Variants in KCNJ6 observed in about 807,000 individuals in gnomAD.
KCNJ6 encodes the protein G protein-activated inward rectifier potassium channel 2.
In KCNJ6, 9 loss-of-function variants were observed where a neutral mutation model predicts 34.2. That is an observed-to-expected ratio of 0.26 (90% CI 0.16 to 0.46). The LOEUF (loss-of-function observed/expected upper bound fraction) is 0.46, where lower values mean the gene tolerates loss of function less well. KCNJ6 is among the 20% of genes least tolerant of loss of function. The pLI is 1.00. For missense variants in KCNJ6, 236 were observed against 531.3 expected, an observed-to-expected ratio of 0.44 and a Z score of 5.46; for synonymous variants, 196 against 207.1, an observed-to-expected ratio of 0.95 and a Z score of 0.46.
At chr21:37,655,025 G>C (rs1165680434) in intron 3 of KCNJ6, among the ~76,000 whole-genome samples, 5 of 152,174 alleles carry the variant, frequency 3.3e-5, no homozygotes, top group Non-Finnish European at 5.9e-5. Context: ...ATGTGAGAGA[G>C]AGGTGGACCG....
At position 37,610,847 on chromosome 21, in the gene KCNJ6, C is replaced by T. The variant is rs1214092265; in HGVS notation, c.*14312G>A. 6.6e-6 allele frequency: 1 copy of T among 151,736 alleles called. No homozygotes were observed. The highest frequency in any genetic ancestry group is 1.5e-5 in the Non-Finnish European group (1 of 67,936). 9.4% of individuals were successfully genotyped at this position (151,736 alleles called of 1,614,324 possible). On this transcript the variant is annotated 3_prime_UTR_variant, in exon 4 of 4. Transcript: ENST00000609713. ...TTTGTGGGATGCAATAAAAACAATG[C>T]TTAAAGGGAAATTTATAACATTGAA...
rs189844853 is a variant in KCNJ6, at chr21:37,802,435, G to T, written c.25+38223C>A. The stretch of plus-strand genomic sequence containing the variant: ...CCAGAGGGCCCAATATAATCACAAG[G>T]GTCCTTATAAGGGTAGGGCGGGAGG... On this transcript the variant is annotated intron_variant, in intron 2 of 3. Transcript: ENST00000609713. Among the ~76,000 whole-genome samples, 495 of 152,136 alleles carry T rather than the reference G, an allele frequency of 3.3e-3. 2 individuals are homozygous for T. Among genetic ancestry groups the T allele is most frequent in the Non-Finnish European group, 5.1e-3 (348 of 68,006 alleles).
intron 3 of KCNJ6, among the ~76,000 whole-genome samples, chr21:37,679,030 C>T (rs2054579355): frequency 6.6e-6 from 1 of 152,152 alleles, no homozygotes; most frequent in South Asian, 2.1e-4. Flanking sequence ...TTCTCTTTCT[C>T]TCTGGAATTG....
At chr21:37,874,434 A>T (rs936323010) in intron 1 of KCNJ6, among the ~76,000 whole-genome samples, 3 of 152,232 alleles carry the variant, frequency 2.0e-5, no homozygotes, top group African/African-American at 7.2e-5. Flanking sequence ...CTCATATAAC[A>T]GACTGACAGC....
chr21:37,632,155 G>T (rs2054336711), intron 3 of KCNJ6, among the ~76,000 whole-genome samples: 2 of 152,016 alleles, frequency 1.3e-5, no homozygotes, highest in Non-Finnish European at 2.9e-5. Flanking sequence ...GAGAGAACTG[G>T]AGAAGAGGAT....
chr21:37,908,386 G>T (rs572623405), intron 1 of KCNJ6, among the ~76,000 whole-genome samples: 1 of 152,270 alleles, frequency 6.6e-6, no homozygotes, highest in South Asian at 2.1e-4. Flanking sequence ...CTATTTTCAG[G>T]AAAACAATGA....
rs780453887 is a variant in KCNJ6, at chr21:37,617,220, C to CA, written c.*7938_*7939insT. On this transcript the variant is annotated 3_prime_UTR_variant, in exon 4 of 4. Coordinates refer to ENST00000609713, the MANE Select transcript of KCNJ6 (RefSeq NM_002240.5). ...TCCTTCCTTCCTTCCTTCCTTCCTT[C>CA]TTTTCTTTCTTTTTTTGAGACTGAG... The CA allele has an allele frequency of 8.4e-6, 1 of 118,638 alleles. No homozygotes were observed. Among genetic ancestry groups the CA allele is most frequent in the African/African-American group, 3.3e-5 (1 of 30,582 alleles). 7.3% of individuals were successfully genotyped at this position (118,638 alleles called of 1,614,324 possible). A position where few individuals can be genotyped will look rare whatever the true frequency, so the allele number is the denominator to read the frequency against.
chr21:37,771,626 C>T (rs1046928411), intron 2 of KCNJ6, among the ~76,000 whole-genome samples: 2 of 152,146 alleles, frequency 1.3e-5, no homozygotes, highest in African/African-American at 4.8e-5. Context: ...TGTAGGTGGT[C>T]CCAGAAGTGA....
intron 3 of KCNJ6, among the ~76,000 whole-genome samples, chr21:37,704,324 A>C (rs1268576829): frequency 7.0e-6 from 1 of 143,732 alleles, no homozygotes; most frequent in African/African-American, 2.5e-5. Flanking sequence ...CATAAAGTAC[A>C]TATTACTGAG....
chr21:37,820,164 C>T (rs1309946753), intron 2 of KCNJ6, among the ~76,000 whole-genome samples: 1 of 152,140 alleles, frequency 6.6e-6, no homozygotes, highest in Non-Finnish European at 1.5e-5. Flanking sequence ...ACGGTTGTAA[C>T]TCACAGAAAA....
intron 1 of KCNJ6, among the ~76,000 whole-genome samples, chr21:37,904,431 T>C (rs548540572): frequency 3.9e-5 from 6 of 152,314 alleles, no homozygotes; most frequent in Middle Eastern, 3.4e-3. Flanking sequence ...ATAAAATTCA[T>C]TGACAGCAAA....
chr21:37,878,654 T>C (rs912066523), intron 1 of KCNJ6, among the ~76,000 whole-genome samples: 8 of 152,264 alleles, frequency 5.3e-5, no homozygotes, highest in African/African-American at 1.9e-4. Flanking sequence ...ATGCGCTTCT[T>C]TTTGCCCGGT....
In KCNJ6 at chr21:37,792,649, G is replaced by A. The variant is rs965051898; in HGVS notation, c.25+48009C>T. 2.6e-5 allele frequency among the ~76,000 whole-genome samples: 4 copies of A among 152,222 alleles called. No individual in the cohort carries two copies. The Middle Eastern group carries it at 0.01, about 388-fold the overall frequency. ...CCTCATAGTAGGCTTAGTTTACATT[G>A]GCATTGTTTTGAATAAGGAGCGGGA... is the stretch of plus-strand genomic sequence containing the variant. On this transcript the variant is annotated intron_variant, in intron 2 of 3. Coordinates refer to ENST00000609713, the MANE Select transcript of KCNJ6 (RefSeq NM_002240.5).
chr21:37,706,100 T>C (rs2054718108), intron 3 of KCNJ6, among the ~76,000 whole-genome samples: 1 of 152,200 alleles, frequency 6.6e-6, no homozygotes, highest in Non-Finnish European at 1.5e-5. Context: ...CACTTTGGCT[T>C]GTAAAGTTTC....
intron 2 of KCNJ6, among the ~76,000 whole-genome samples, chr21:37,718,091 A>AT (rs945937889): frequency 6.6e-6 from 1 of 152,076 alleles, no homozygotes; most frequent in Admixed American, 6.5e-5. Context: ...TCCTCTTTGC[A>AT]TTGAGGGTTG....
At chr21:37,895,581 A>G (rs1183317277) in intron 1 of KCNJ6, among the ~76,000 whole-genome samples, 1 of 152,230 alleles carries the variant, frequency 6.6e-6, no homozygotes, top group Non-Finnish European at 1.5e-5. Flanking sequence ...TAAAAGATGC[A>G]CAGCCCTTTC....
At chr21:37,834,356 G>A (rs150693673) in intron 2 of KCNJ6, among the ~76,000 whole-genome samples, 1 of 152,318 alleles carries the variant, frequency 6.6e-6, no homozygotes, top group East Asian at 1.9e-4. Context: ...TTGGCTGCCT[G>A]GTGGAACCCT....
At chr21:37,712,898 ATTTTG>A (rs1252235980) in intron 3 of KCNJ6, among the ~76,000 whole-genome samples, 3 of 151,572 alleles carry the variant, frequency 2.0e-5, no homozygotes, top group Non-Finnish European at 4.4e-5. Context: ...CTTATGTCTT[ATTTTG>A]CAACAGTGAC....
intron 1 of KCNJ6, among the ~76,000 whole-genome samples, chr21:37,879,732 TG>T (rs2055697364): frequency 6.6e-6 from 1 of 150,780 alleles, no homozygotes; most frequent in Non-Finnish European, 1.5e-5. Flanking sequence ...TGTGTGTGTG[TG>T]TGTGTGTGTG....
Sources: gnomAD v4.1 joint callset for allele counts (sites outside exome capture counted in the v4.1 genomes callset) on GRCh38, gnomAD v4.1.1 for gene constraint, MANE v1.5 for transcripts, NCBI Gene and HGNC (gene_info 2026-07-23, HGNC 2026-07-21) for gene names.